The following NSD3 variants were observed in gnomAD, a reference collection of about 807,000 sequenced individuals.
NSD3 encodes nuclear receptor binding SET domain protein 3.
Under a neutral mutation model 160.8 loss-of-function variants are expected in NSD3, and 24 were observed. The observed-to-expected ratio is 0.15, with a 90% CI of 0.11 to 0.21. NSD3 has a LOEUF of 0.21. NSD3 is among the 10% of genes least tolerant of loss of function. The pLI is 1.00. For synonymous variants in NSD3, 520 were observed against 600.0 expected (o/e 0.87, Z 1.95); for missense variants, 1,157 against 1,735.9 (o/e 0.67, Z 5.93).
chr8:38,278,929 A>G (rs1276939119), intron 21 of NSD3, among the ~76,000 whole-genome samples: 2 of 152,226 alleles, frequency 1.3e-5, no homozygotes, highest in African/African-American at 2.4e-5. Context: ...ACAATCCACA[A>G]TGAGTTCTAG....
At position 38,276,360 on chromosome 8, in the gene NSD3, A is replaced by G; in HGVS notation, c.4008T>C (p.Cys1336=). Residue 1336 remains cysteine, a synonymous_variant, in exon 23 of 24, where the codon TGT becomes TGC. Coordinates refer to ENST00000317025, the MANE Select transcript of NSD3 (RefSeq NM_023034.2). The stretch of plus-strand genomic sequence containing the variant: ...ATGCTTTGGGACAGTCTTTTTTGTC[A>G]CACATGACCAGCTCTCCACCATCTC... The part of the protein sequence containing the change: ...QCGDGGELVM[C]DKKDCPKAYH... 1 of 1,614,214 alleles carries G rather than the reference A, an allele frequency of 6.2e-7. No homozygotes were observed. Among genetic ancestry groups the G allele is most frequent in the Non-Finnish European group, 8.5e-7 (1 of 1,180,036 alleles).
chr8:38,278,576 A>C (rs1285536897), intron 21 of NSD3, among the ~76,000 whole-genome samples, 164 bp from the exon 22 acceptor site: 1 of 152,216 alleles, frequency 6.6e-6, no homozygotes, highest in Non-Finnish European at 1.5e-5. Flanking sequence ...AAAAAAGAAA[A>C]GGAGAAAAAC....
At chr8:38,335,136 C>T (rs749648907) in intron 4 of NSD3, among the ~76,000 whole-genome samples, 25 of 152,026 alleles carry the variant, frequency 1.6e-4, no homozygotes, top group Non-Finnish European at 2.9e-4. Flanking sequence ...TAGAGGCATG[C>T]GCCAAAACGC....
At chr8:38,331,308 C>A in intron 5 of NSD3, 123 bp downstream of exon 5, 1 of 1,150,154 alleles carries the variant, frequency 8.7e-7, no homozygotes. Flanking sequence ...ACGATTAAAA[C>A]AGCTGAAAGG....
chr8:38,326,419 A>G (rs1809912389), intron 7 of NSD3, among the ~76,000 whole-genome samples: 1 of 152,214 alleles, frequency 6.6e-6, no homozygotes, highest in Non-Finnish European at 1.5e-5. Context: ...GGAAAAGTAA[A>G]GCTGTTATTA....
At chr8:38,308,165 C>A (rs1809451584) in intron 12 of NSD3, among the ~76,000 whole-genome samples, 1 of 152,136 alleles carries the variant, frequency 6.6e-6, no homozygotes, top group Non-Finnish European at 1.5e-5. Flanking sequence ...GTTAGGTGAA[C>A]TGCATTATTG....
chr8:38,370,745 C>A (rs1395189569), intron 1 of NSD3, among the ~76,000 whole-genome samples: 1 of 151,992 alleles, frequency 6.6e-6, no homozygotes, highest in African/African-American at 2.4e-5. Context: ...ATAACCCCGT[C>A]AACATACTAA....
chr8:38,321,358 T>TG lies in NSD3; in HGVS notation c.1709-187dup, dbSNP rs1185867020. Among the ~76,000 whole-genome samples, 1 of 152,214 alleles carries TG rather than the reference T, an allele frequency of 6.6e-6. No homozygotes were observed. The highest frequency in any genetic ancestry group is 2.4e-5 in the African/African-American group (1 of 41,444). On this transcript the variant is annotated intron_variant, in intron 7 of 23. Coordinates refer to ENST00000317025, the MANE Select transcript of NSD3 (RefSeq NM_023034.2). This position sits in a 1 kb window ranked among gnomAD's most constrained non-coding sequence, Gnocchi z 4.7. ...ATTTAACAGATCAAATTGTAAAGGC[T>TG]GATAAGCTGAGACTGGGATTCACAA... is the stretch of plus-strand genomic sequence containing the variant.
chr8:38,304,161 T>C (rs1809341298), intron 14 of NSD3, among the ~76,000 whole-genome samples: 2 of 152,156 alleles, frequency 1.3e-5, no homozygotes, highest in South Asian at 2.1e-4. Flanking sequence ...CATAAACAAC[T>C]GAAAAATGGA....
intron 20 of NSD3, among the ~76,000 whole-genome samples, chr8:38,280,899 C>T (rs1163454637): frequency 6.6e-6 from 1 of 151,850 alleles, no homozygotes; most frequent in East Asian, 1.9e-4. Flanking sequence ...ACCACAGAAA[C>T]GTGCCACCAC....
At chr8:38,315,211 T>A (rs1809628930) in intron 11 of NSD3, among the ~76,000 whole-genome samples, 1 of 152,190 alleles carries the variant, frequency 6.6e-6, no homozygotes, top group Non-Finnish European at 1.5e-5. Context: ...TTAATTATAG[T>A]ATATCACACT....
intron 20 of NSD3, chr8:38,279,984 T>C (rs778196269): frequency 1.7e-5 from 4 of 232,464 alleles, no homozygotes; most frequent in Non-Finnish European, 3.4e-5. Context: ...AGGAATGGTA[T>C]TTTCTGATTA....
At chr8:38,291,692 G>T (rs1051841555) in intron 16 of NSD3, among the ~76,000 whole-genome samples, 2 of 152,122 alleles carry the variant, frequency 1.3e-5, no homozygotes, top group African/African-American at 4.8e-5. Flanking sequence ...CTCAAAGCAG[G>T]CTCTATTTAT....
chr8:38,340,845 A>T (rs911218320), intron 2 of NSD3, among the ~76,000 whole-genome samples: 1 of 152,174 alleles, frequency 6.6e-6, no homozygotes, highest in Non-Finnish European at 1.5e-5. Flanking sequence ...GACATTAAAA[A>T]ACAGAAACAC....
chr8:38,311,006 T>C (rs1428338174), intron 12 of NSD3, among the ~76,000 whole-genome samples: 1 of 152,072 alleles, frequency 6.6e-6, no homozygotes, highest in Non-Finnish European at 1.5e-5. Flanking sequence ...TCTTTTTTTT[T>C]TGATACTATT....
chr8:38,320,583 C>T (rs1003001294), intron 8 of NSD3: 1 of 151,832 alleles, frequency 6.6e-6, no homozygotes, highest in Admixed American at 6.6e-5. Context: ...GGGAAAATAA[C>T]ATTCCAAAAA....
chr8:38,319,095 T>C lies in NSD3; in HGVS notation c.1810-155A>G, dbSNP rs147923577. 370 of 681,280 alleles carry C rather than the reference T, an allele frequency of 5.4e-4. 3 individuals are homozygous for C. The African/African-American group carries it at 6.4e-3, about 12-fold the overall frequency. 42.2% of individuals were successfully genotyped at this position (681,280 alleles called of 1,614,324 possible). A position where few individuals can be genotyped will look rare whatever the true frequency, so the allele number is the denominator to read the frequency against. On this transcript the variant is annotated intron_variant, in intron 8 of 23. Transcript: ENST00000317025. The surrounding 1 kb of genome is among the most constrained non-coding windows in gnomAD (Gnocchi z 4.1). Reference sequence around the variant, plus strand: ...CCCATCTTTTGGGTAAAGTTCTCTGTCTCAAGATCAGGGAGGGTTTAAATC... The same window carrying C: ...CCCATCTTTTGGGTAAAGTTCTCTGCCTCAAGATCAGGGAGGGTTTAAATC...
intron 23 of NSD3, 82 bp downstream of exon 23, chr8:38,276,214 C>T (rs1465155557): frequency 5.6e-6 from 8 of 1,419,690 alleles, no homozygotes; most frequent in Non-Finnish European, 7.8e-6. Context: ...CATTTCCTAT[C>T]CCATGGCATG....
chr8:38,297,232 A>G (rs1809171534), intron 15 of NSD3, among the ~76,000 whole-genome samples: 1 of 152,218 alleles, frequency 6.6e-6, no homozygotes, highest in Admixed American at 6.5e-5. Context: ...CCTTTTAGAT[A>G]CACAAAATAC....
Sources: allele counts gnomAD v4.1 joint callset (sites outside exome capture counted in the v4.1 genomes callset), GRCh38; gene constraint gnomAD v4.1.1; non-coding constraint Gnocchi (gnomAD v3.1); transcripts MANE v1.5; gene names NCBI Gene and HGNC (gene_info 2026-07-23, HGNC 2026-07-21).